The following GORASP2 variants were observed in gnomAD, a reference collection of about 807,000 sequenced individuals.
GORASP2 encodes the protein Golgi reassembly-stacking protein 2.
GORASP2 carries 22 observed loss-of-function variants against 45.7 expected under a neutral mutation model. The observed-to-expected ratio is 0.48, with a 90% CI of 0.34 to 0.69. The LOEUF is 0.69. Ranked by LOEUF, GORASP2 falls within the 30% of genes least tolerant of loss-of-function variation. The probability of loss-of-function intolerance (pLI) is 0.01; values close to 1 mark genes in which losing one functional copy is unlikely to be tolerated. For missense variants in GORASP2, 491 were observed against 562.7 expected, an observed-to-expected ratio of 0.87 and a Z score of 1.29; for synonymous variants, 221 against 215.6, an observed-to-expected ratio of 1.02 and a Z score of -0.22.
chr2:170,954,764 T>TA lies in GORASP2; in HGVS notation c.684dup (p.Asp229ArgfsTer12). 6.2e-7 allele frequency: 1 copy of TA among 1,613,170 alleles called. No homozygotes were observed. Among genetic ancestry groups the TA allele is most frequent in the Non-Finnish European group, 8.5e-7 (1 of 1,179,518 alleles). On this transcript the variant is annotated frameshift_variant, in exon 6 of 10. Coordinates refer to ENST00000234160, the MANE Select transcript of GORASP2 (RefSeq NM_015530.5). LOFTEE classifies it high-confidence loss of function. ...TGGCTGGTACACCTATTACACCTCTTAAAGATGGGTTTACAGAGGTAAGAT... is the reference window on the plus strand; with the variant it reads ...TGGCTGGTACACCTATTACACCTCTTAAAAGATGGGTTTACAGAGGTAAGAT...
rs114478764 is a variant in GORASP2, at chr2:170,943,418, T to G, written c.64-4932T>G. The stretch of plus-strand genomic sequence containing the variant: ...AGAGTTAGGAGGATGAGCTTAAGAT[T>G]TCTTGGCCTTCTATCATAGGCTTGA... On this transcript the variant is annotated intron_variant, in intron 1 of 9. Coordinates refer to ENST00000234160, the MANE Select transcript of GORASP2 (RefSeq NM_015530.5). 3.6e-3 allele frequency among the ~76,000 whole-genome samples: 548 copies of G among 152,332 alleles called. 8 individuals carry two copies. The highest frequency in any genetic ancestry group is 0.012 in the African/African-American group (511 of 41,572).
intron 1 of GORASP2, among the ~76,000 whole-genome samples, chr2:170,937,207 CA>C (rs573831555): frequency 7.8e-4 from 112 of 143,122 alleles, no homozygotes; most frequent in Admixed American, 8.4e-4. Flanking sequence ...GACTCCATCA[CA>C]AAAAAAAAAA....
chr2:170,929,135 C>T (rs949435923), upstream of GORASP2: 12 of 409,572 alleles, frequency 2.9e-5, no homozygotes, highest in Non-Finnish European at 4.7e-5. Flanking sequence ...GGGCCCCTTC[C>T]AGTGGCTCGC....
chr2:170,951,841 T>G (rs1177807480), intron 5 of GORASP2, among the ~76,000 whole-genome samples: 6 of 152,242 alleles, frequency 3.9e-5, no homozygotes, highest in Non-Finnish European at 5.9e-5. Context: ...TTCCGTTTGC[T>G]CACAGTATCT....
intron 1 of GORASP2, 158 bp downstream of exon 1, chr2:170,929,561 G>A (rs936731327): frequency 4.8e-6 from 3 of 626,068 alleles, no homozygotes; most frequent in Admixed American, 3.8e-5. Flanking sequence ...TGGTTCCGGA[G>A]GCCGCTCGCA....
At chr2:170,947,607 ATTATAAATGT>A (rs1377232136) in intron 1 of GORASP2, among the ~76,000 whole-genome samples, 1 of 152,122 alleles carries the variant, frequency 6.6e-6, no homozygotes, top group Admixed American at 6.5e-5. Flanking sequence ...TCCTCAACAG[ATTATAAATGT>A]CTTGACATAC....
chr2:170,932,032 C>T (rs1164968185), intron 1 of GORASP2, among the ~76,000 whole-genome samples: 2 of 152,164 alleles, frequency 1.3e-5, no homozygotes, highest in African/African-American at 2.4e-5. Context: ...TCGAGACCAG[C>T]CTGACCAACA....
chr2:170,966,564 T>C lies in GORASP2; in HGVS notation c.*434T>C, dbSNP rs1704692907. 1 of 201,404 alleles carries C rather than the reference T, an allele frequency of 5.0e-6. No individual in the cohort carries two copies. The highest frequency in any genetic ancestry group is 8.2e-5 in the South Asian group (1 of 12,168). 12.5% of individuals were successfully genotyped at this position (201,404 alleles called of 1,614,324 possible). A position where few individuals can be genotyped will look rare whatever the true frequency, so the allele number is the denominator to read the frequency against. ...TTTGCGAGAATGCAGACCACCTCAC[T>C]AAACTGTAAACGGTAAAGAGATTTT... On this transcript the variant is annotated 3_prime_UTR_variant, in exon 10 of 10. Coordinates refer to ENST00000234160, the MANE Select transcript of GORASP2 (RefSeq NM_015530.5).
At chr2:170,937,581 A>G (rs1019315539) in intron 1 of GORASP2, among the ~76,000 whole-genome samples, 4 of 152,114 alleles carry the variant, frequency 2.6e-5, no homozygotes, top group African/African-American at 9.7e-5. Context: ...AGGTGGAAGG[A>G]TTGCTTGAGC....
intron 3 of GORASP2, 141 bp downstream of exon 3, chr2:170,949,883 T>G: frequency 1.5e-6 from 1 of 686,172 alleles, no homozygotes; most frequent in Non-Finnish European, 2.5e-6. Context: ...GTTCATTGCT[T>G]TTTAAGTATG....
At chr2:170,951,583 G>A (rs1200839711) in intron 5 of GORASP2, 125 bp downstream of exon 5, 4 of 764,700 alleles carry the variant, frequency 5.2e-6, no homozygotes, top group East Asian at 5.7e-5. Flanking sequence ...TTAAAAAAAA[G>A]GGAAGAGCTA....
chr2:170,930,993 C>T (rs956616926), intron 1 of GORASP2, among the ~76,000 whole-genome samples: 2 of 144,896 alleles, frequency 1.4e-5, no homozygotes, highest in African/African-American at 2.5e-5. Flanking sequence ...AAAAAAAAGT[C>T]GCGTGTTTGA....
chr2:170,938,580 A>G (rs749411463), intron 1 of GORASP2, among the ~76,000 whole-genome samples: 18 of 152,250 alleles, frequency 1.2e-4, no homozygotes, highest in Non-Finnish European at 1.5e-4. Context: ...GAGTCTATGC[A>G]ATTAAAATGA....
At position 170,959,110 on chromosome 2, in the gene GORASP2, G is replaced by A. The variant is rs1032332890; in HGVS notation, c.823+2551G>A. ...CGAGTAGCTGGGACTACAGGCGCACGCCACCATGCCCGGCTAATTGTTTGT... is the reference window on the plus strand; with the variant it reads ...CGAGTAGCTGGGACTACAGGCGCACACCACCATGCCCGGCTAATTGTTTGT... On this transcript the variant is annotated intron_variant, in intron 7 of 9. Coordinates refer to ENST00000234160, the MANE Select transcript of GORASP2 (RefSeq NM_015530.5). 1.2e-4 allele frequency among the ~76,000 whole-genome samples: 18 copies of A among 151,180 alleles called. No individual in the cohort carries two copies. The South Asian group carries it at 2.9e-3, about 25-fold the overall frequency.
intron 1 of GORASP2, among the ~76,000 whole-genome samples, chr2:170,947,761 G>T (rs1704211200): frequency 6.6e-6 from 1 of 152,132 alleles, no homozygotes; most frequent in Admixed American, 6.5e-5. Context: ...GAGAGGATTA[G>T]CCCCTTTCTC....
intron 6 of GORASP2, 28 bp downstream of exon 6, chr2:170,954,810 T>A: frequency 2.5e-6 from 4 of 1,583,402 alleles, no homozygotes; most frequent in Non-Finnish European, 3.4e-6. Context: ...CCTGAGTATA[T>A]CATAAAGTTT....
chr2:170,965,860 G>T lies in GORASP2; in HGVS notation c.1089G>T (p.Glu363Asp). 6.2e-7 allele frequency: 1 copy of T among 1,613,922 alleles called. No homozygotes were observed. Among genetic ancestry groups the T allele is most frequent in the East Asian group, 2.2e-5 (1 of 44,850 alleles). Residue 363 changes from glutamate to aspartate, a missense_variant, in exon 10 of 10, where the codon GAG becomes GAT. Transcript: ENST00000234160. ...TTGCACCTCTCCCCCTGCCATCCGAGTTCCTCCCGTCATTCCCCTTGGTTC... is the reference window on the plus strand; with the variant it reads ...TTGCACCTCTCCCCCTGCCATCCGATTTCCTCCCGTCATTCCCCTTGGTTC... ...PGIAPLPLPS[E>D]FLPSFPLVPE...
chr2:170,938,501 G>C (rs906130784), intron 1 of GORASP2, among the ~76,000 whole-genome samples: 6 of 152,166 alleles, frequency 3.9e-5, no homozygotes, highest in Admixed American at 2.0e-4. Flanking sequence ...ATTTTAAACG[G>C]GGAGTGCCAG....
intron 1 of GORASP2, among the ~76,000 whole-genome samples, chr2:170,942,055 A>G (rs1704088330): frequency 1.3e-5 from 2 of 152,082 alleles, no homozygotes; most frequent in African/African-American, 4.8e-5. Flanking sequence ...GATGTGTAGT[A>G]GTGTTGCATT....
Sources: gnomAD v4.1 joint callset for allele counts (sites outside exome capture counted in the v4.1 genomes callset) on GRCh38, gnomAD v4.1.1 for gene constraint, MANE v1.5 for transcripts, NCBI Gene and HGNC (gene_info 2026-07-23, HGNC 2026-07-21) for gene names.